Variants in PPP2R2D observed in about 807,000 individuals in gnomAD.
PPP2R2D encodes serine/threonine-protein phosphatase 2A 55 kDa regulatory subunit B delta isoform.
In PPP2R2D, 9 loss-of-function variants were observed where a neutral mutation model predicts 31.1. The observed-to-expected ratio is 0.29, with a 90% CI of 0.17 to 0.51. The LOEUF (loss-of-function observed/expected upper bound fraction) is 0.51. Ranked by LOEUF, PPP2R2D falls within the 20% of genes least tolerant of loss-of-function variation. PPP2R2D has a pLI of 0.98. For synonymous variants in PPP2R2D, 179 were observed against 172.6 expected (o/e 1.04, Z -0.29); for missense variants, 391 against 465.6 (o/e 0.84, Z 1.48).
chr10:131,936,591 T>C lies in PPP2R2D; in HGVS notation c.198+2036T>C, dbSNP rs138006167. ...GCCTAACAGATTTTAGGTTAGAAAA[T>C]GGAATTTCTCTTGTTTTTGTGAATC... On this transcript the variant is annotated intron_variant, in intron 3 of 8. Coordinates refer to ENST00000455566, the MANE Select transcript of PPP2R2D (RefSeq NM_018461.5). Among the ~76,000 whole-genome samples the C allele has an allele frequency of 1.9e-3, 285 of 152,334 alleles. 1 individual carries two copies. The highest frequency in any genetic ancestry group is 7.7e-3 in the South Asian group (37 of 4,832).
intron 2 of PPP2R2D, among the ~76,000 whole-genome samples, chr10:131,917,499 A>AGTGTTTGTAGGGACCTCACG (rs2035832310): frequency 9.9e-6 from 1 of 100,730 alleles, no homozygotes. Context: ...GGGACCTCAC[A>AGTGTTTGTAGGGACCTCACG]CGGATGGAAT....
downstream of PPP2R2D, among the ~76,000 whole-genome samples, chr10:131,963,154 G>C (rs2036944516): frequency 6.6e-6 from 1 of 152,078 alleles, no homozygotes; most frequent in South Asian, 2.1e-4. Context: ...GACAGAGTGA[G>C]ACTCCATCTC....
downstream of PPP2R2D, among the ~76,000 whole-genome samples, chr10:131,962,134 CAG>C (rs1482662843): frequency 1.3e-5 from 2 of 152,200 alleles, no homozygotes; most frequent in Admixed American, 6.5e-5. Flanking sequence ...CTTAATATAA[CAG>C]AAACTGGTGT....
rs532262824 is a variant in PPP2R2D, at chr10:131,927,774, T to C, written c.101-6684T>C. 2.0e-5 allele frequency among the ~76,000 whole-genome samples: 3 copies of C among 152,348 alleles called. No individual in the cohort carries two copies. The East Asian group carries it at 5.8e-4, about 29-fold the overall frequency. On this transcript the variant is annotated intron_variant, in intron 2 of 8. Transcript: ENST00000455566. ...GCTTTCTGTAACTAACCTGGGGTGTTACGCGATGGTCATTTGTTTTCATTG... is the reference window on the plus strand; with the variant it reads ...GCTTTCTGTAACTAACCTGGGGTGTCACGCGATGGTCATTTGTTTTCATTG...
intron 2 of PPP2R2D, among the ~76,000 whole-genome samples, chr10:131,918,570 C>T (rs1427526533): frequency 2.1e-5 from 3 of 145,256 alleles, no homozygotes; most frequent in African/African-American, 7.8e-5. Context: ...TGGAATGACA[C>T]AGTGTTTGTA....
chr10:131,902,856 G>A (rs2119690383), intron 2 of PPP2R2D, among the ~76,000 whole-genome samples: 1 of 152,074 alleles, frequency 6.6e-6, no homozygotes, highest in East Asian at 1.9e-4. Context: ...AGGCTCAAGC[G>A]ATTCGCCCAC....
intron 8 of PPP2R2D, among the ~76,000 whole-genome samples, chr10:131,949,354 G>A (rs1554898521): frequency 6.6e-6 from 1 of 152,208 alleles, no homozygotes; most frequent in African/African-American, 2.4e-5. Context: ...CTTGCTGGAA[G>A]CACAGCCCTG....
At chr10:131,919,025 G>C (rs1307116385) in intron 2 of PPP2R2D, among the ~76,000 whole-genome samples, 1 of 124,310 alleles carries the variant, frequency 8.0e-6, no homozygotes, top group Non-Finnish European at 1.7e-5. Context: ...AGTGTTTGTA[G>C]GGACCTCAGG....
chr10:131,967,508 ATGAAAACG>A, the PPP2R2D span: 4 of 152,426 alleles, frequency 2.6e-5, no homozygotes, highest in South Asian at 8.3e-4. Flanking sequence ...ATTTTTACAA[ATGAAAACG>A]TTAGATTTAA....
chr10:131,953,870 C>T (rs2036741768), intron 8 of PPP2R2D, among the ~76,000 whole-genome samples: 1 of 152,052 alleles, frequency 6.6e-6, no homozygotes, highest in Non-Finnish European at 1.5e-5. Flanking sequence ...TGCAAAATAC[C>T]CTTAGATTAC....
At chr10:131,918,883 T>C (rs1266753369) in intron 2 of PPP2R2D, among the ~76,000 whole-genome samples, 1 of 145,506 alleles carries the variant, frequency 6.9e-6, no homozygotes, top group South Asian at 2.2e-4. Flanking sequence ...TGACACAGTG[T>C]AGGGACCTCA....
intron 4 of PPP2R2D, among the ~76,000 whole-genome samples, 186 bp downstream of exon 4, chr10:131,940,382 T>C (rs1185369900): frequency 6.6e-6 from 1 of 152,138 alleles, no homozygotes; most frequent in Admixed American, 6.5e-5. Flanking sequence ...CACGTGCACT[T>C]TATTATGCTG....
chr10:131,936,741 T>G (rs1186933580), intron 3 of PPP2R2D, among the ~76,000 whole-genome samples: 1 of 152,272 alleles, frequency 6.6e-6, no homozygotes, highest in Non-Finnish European at 1.5e-5. Flanking sequence ...GAAGTTGTTA[T>G]GTGAGTGACA....
At chr10:131,965,737 C>T in the PPP2R2D span, among the ~76,000 whole-genome samples, 3 of 152,192 alleles carry the variant, frequency 2.0e-5, no homozygotes, top group African/African-American at 4.8e-5. Context: ...TGAGCCACAG[C>T]GCCTGGCCGG....
rs560808088 is a variant in PPP2R2D, at chr10:131,926,708, CA to C, written c.101-7745del. 2.6e-3 allele frequency among the ~76,000 whole-genome samples: 403 copies of C among 152,286 alleles called. 5 individuals are homozygous for C. Among genetic ancestry groups the C allele is most frequent in the African/African-American group, 9.1e-3 (380 of 41,556 alleles). Reference sequence around the variant, plus strand: ...TTTTATGTGAAGGAGTTGTGATTTCCAAAAACTCTCTGGCTGGATGTGTTTT... The same window carrying C: ...TTTTATGTGAAGGAGTTGTGATTTCCAAAACTCTCTGGCTGGATGTGTTTT... On this transcript the variant is annotated intron_variant, in intron 2 of 8. Coordinates refer to ENST00000455566, the MANE Select transcript of PPP2R2D (RefSeq NM_018461.5).
chr10:131,948,478 C>T (rs1206125284), intron 8 of PPP2R2D, among the ~76,000 whole-genome samples: 1 of 152,182 alleles, frequency 6.6e-6, no homozygotes, highest in Non-Finnish European at 1.5e-5. Context: ...GGATATTCTG[C>T]AAAACCCTCT....
At chr10:131,917,399 G>A (rs28477383) in intron 2 of PPP2R2D, among the ~76,000 whole-genome samples, 2 of 136,472 alleles carry the variant, frequency 1.5e-5, no homozygotes, top group Non-Finnish European at 1.5e-5. Flanking sequence ...GACCTCAGTC[G>A]GGTGGAATGA....
In PPP2R2D at chr10:131,959,166, C is replaced by T. The variant is rs1242345041; in HGVS notation, c.*3203C>T. On this transcript the variant is annotated 3_prime_UTR_variant, in exon 9 of 9. Coordinates refer to ENST00000455566, the MANE Select transcript of PPP2R2D (RefSeq NM_018461.5). ...GGAGATGAAGGTGTGTGCTGATCCCCGGTCCCCCTGTGGAGATGAAGGTGT... is the reference window on the plus strand; with the variant it reads ...GGAGATGAAGGTGTGTGCTGATCCCTGGTCCCCCTGTGGAGATGAAGGTGT... The T allele has an allele frequency of 1.1e-4, 14 of 131,308 alleles. 2 individuals carry two copies. The highest frequency in any genetic ancestry group is 1.5e-4 in the African/African-American group (4 of 26,956). The allele number at this position is 131,308 out of a possible 1,614,324, so 8.1% of individuals were successfully genotyped here. A position where few individuals can be genotyped will look rare whatever the true frequency, so the allele number is the denominator to read the frequency against.
intron 8 of PPP2R2D, among the ~76,000 whole-genome samples, chr10:131,950,818 A>C (rs1254280922): frequency 1.3e-5 from 2 of 152,268 alleles, no homozygotes; most frequent in Non-Finnish European, 2.9e-5. Flanking sequence ...ATAAGCTCTG[A>C]GTGTTTCTAA....
Sources: allele counts gnomAD v4.1 joint callset (sites outside exome capture counted in the v4.1 genomes callset), GRCh38; gene constraint gnomAD v4.1.1; transcripts MANE v1.5; gene names NCBI Gene and HGNC (gene_info 2026-07-23, HGNC 2026-07-21).